Variants in ZFP1 observed in about 807,000 individuals in gnomAD.
ZFP1 encodes zinc finger protein 1 homolog.
A neutral mutation model predicts 38.5 loss-of-function variants in ZFP1; 32 were observed. That is an observed-to-expected ratio of 0.83 (90% CI 0.63 to 1.12). ZFP1 has a LOEUF of 1.12. Among genes scored for constraint, ZFP1 ranks in the 50% most tolerant of loss-of-function variants. The pLI is 0.00. For synonymous variants in ZFP1, 245 were observed against 168.8 expected (o/e 1.45, Z -3.50); for missense variants, 616 against 480.8 (o/e 1.28, Z -2.63).
chr16:75,129,736 C>A, the ZFP1 span, among the ~76,000 whole-genome samples: 1 of 152,174 alleles, frequency 6.6e-6, no homozygotes, highest in Non-Finnish European at 1.5e-5. Context: ...TCACCAAGAC[C>A]TCCTGAGGCT....
chr16:75,135,429 C>T, the ZFP1 span, among the ~76,000 whole-genome samples: 1 of 152,174 alleles, frequency 6.6e-6, no homozygotes, highest in African/African-American at 2.4e-5. Flanking sequence ...ATTCCATCCA[C>T]ATGACATTCT....
At chr16:75,131,441 G>A in the ZFP1 span, among the ~76,000 whole-genome samples, 3 of 152,100 alleles carry the variant, frequency 2.0e-5, no homozygotes, top group Non-Finnish European at 4.4e-5. Context: ...CTAATTCCTA[G>A]CTCGTTTTCC....
chr16:75,121,309 T>C, the ZFP1 span, among the ~76,000 whole-genome samples: 40 of 151,724 alleles, frequency 2.6e-4, no homozygotes, highest in African/African-American at 9.7e-4. Context: ...GTATTTTTAA[T>C]AGAGACGGGG....
In ZFP1 at chr16:75,169,293, A is replaced by C. The variant is rs781545633; in HGVS notation, c.183A>C (p.Arg61Ser). 6 of 1,613,738 alleles carry C rather than the reference A, an allele frequency of 3.7e-6. No individual in the cohort carries two copies. In the Admixed American group the frequency reaches 5.0e-5, roughly 13 times the overall value. ...ATGACCAGATGGAGAGAGACCACAG[A>C]AACCCAGACGAGCAGGCGAGGCAAT... ...KADDQMERDH[R>S]NPDEQARQFL... is the part of the protein sequence containing the mutation. The change falls in exon 4 of 4, where the codon AGA (arginine) becomes AGC (serine). Residue 61 changes from arginine to serine, a missense_variant. By Grantham distance (110) the Arg-to-Ser change is moderately radical. Transcript: ENST00000570010.
At chr16:75,126,695 G>A in the ZFP1 span, among the ~76,000 whole-genome samples, 3 of 152,162 alleles carry the variant, frequency 2.0e-5, no homozygotes, top group Admixed American at 6.6e-5. Flanking sequence ...GAGCCAGCAC[G>A]CCCAGCCAGT....
At chr16:75,135,197 G>A in the ZFP1 span, among the ~76,000 whole-genome samples, 3 of 44,036 alleles carry the variant, frequency 6.8e-5, no homozygotes, top group Admixed American at 9.9e-4. Flanking sequence ...GTGACAGAGT[G>A]AGACCTTATC....
At chr16:75,138,660 G>A in the ZFP1 span, among the ~76,000 whole-genome samples, 1 of 152,236 alleles carries the variant, frequency 6.6e-6, no homozygotes, top group Admixed American at 6.5e-5. Flanking sequence ...CTGATTAGAA[G>A]AGGTGAAGAG....
At chr16:75,146,921 C>G (rs1176746828), upstream of ZFP1, among the ~76,000 whole-genome samples, 2 of 110,164 alleles carry the variant, frequency 1.8e-5, no homozygotes, top group East Asian at 5.9e-4. Flanking sequence ...ACCTGGGTGA[C>G]AGAGTGAGAC....
chr16:75,165,723 T>C lies in ZFP1; in HGVS notation c.16-1047T>C, dbSNP rs185702901. On this transcript the variant is annotated intron_variant, in intron 2 of 3. Transcript: ENST00000570010. ...AGTTTTGTTATATGCTGAGTATTTT[T>C]TTTTTTTAATGTACTTATTGTACTT... Among the ~76,000 whole-genome samples, 387 of 152,282 alleles carry C rather than the reference T, an allele frequency of 2.5e-3. 2 individuals carry two copies. Among genetic ancestry groups the C allele is most frequent in the African/African-American group, 9.1e-3 (378 of 41,552 alleles).
intron 2 of ZFP1, among the ~76,000 whole-genome samples, chr16:75,161,904 C>A (rs769788608): frequency 2.0e-5 from 3 of 147,804 alleles, no homozygotes; most frequent in African/African-American, 7.5e-5. Context: ...CCTGCCTCAG[C>A]CTCCCAGGTA....
At chr16:75,133,819 C>A in the ZFP1 span, among the ~76,000 whole-genome samples, 67 of 152,266 alleles carry the variant, frequency 4.4e-4, no homozygotes, top group African/African-American at 1.5e-3. Flanking sequence ...GAGGCTGAGG[C>A]GGGTGGATCA....
At chr16:75,156,683 A>T (rs985997950) in intron 2 of ZFP1, among the ~76,000 whole-genome samples, 3 of 152,094 alleles carry the variant, frequency 2.0e-5, no homozygotes, top group Admixed American at 6.6e-5. Flanking sequence ...AATTTTTGGT[A>T]CGAATATAAT....
intron 3 of ZFP1, among the ~76,000 whole-genome samples, chr16:75,168,098 C>T (rs1384783625): frequency 2.6e-5 from 4 of 152,032 alleles, no homozygotes; most frequent in African/African-American, 9.7e-5. Context: ...TTCAAGTGAT[C>T]CTCCTGCCTT....
chr16:75,145,013 G>T (rs978496302), upstream of ZFP1, among the ~76,000 whole-genome samples: 11 of 152,098 alleles, frequency 7.2e-5, no homozygotes. Flanking sequence ...TTCACTTAGT[G>T]TATTTTCAAG....
At chr16:75,145,888 C>T (rs2036937589), upstream of ZFP1, among the ~76,000 whole-genome samples, 1 of 152,178 alleles carries the variant, frequency 6.6e-6, no homozygotes, top group Non-Finnish European at 1.5e-5. Context: ...CTGTCACCCT[C>T]ACTCTCCACT....
chr16:75,123,175 G>A, the ZFP1 span, among the ~76,000 whole-genome samples: 2 of 151,512 alleles, frequency 1.3e-5, no homozygotes, highest in Non-Finnish European at 2.9e-5. Flanking sequence ...CCAACATGGT[G>A]AAACCTCATC....
intron 1 of ZFP1, among the ~76,000 whole-genome samples, chr16:75,151,139 A>T (rs921356339): frequency 6.6e-6 from 1 of 151,484 alleles, no homozygotes; most frequent in East Asian, 1.9e-4. Flanking sequence ...GTTTACAGGC[A>T]TGAGCTACTG....
chr16:75,156,191 C>T (rs573910241), intron 2 of ZFP1, among the ~76,000 whole-genome samples: 2 of 152,212 alleles, frequency 1.3e-5, no homozygotes, highest in South Asian at 2.1e-4. Flanking sequence ...TGGTGGGTCA[C>T]GCCGGTAATC....
intron 2 of ZFP1, among the ~76,000 whole-genome samples, chr16:75,153,886 C>A (rs2037337160): frequency 6.6e-6 from 1 of 152,228 alleles, no homozygotes; most frequent in Non-Finnish European, 1.5e-5. Flanking sequence ...ACCCACTGAT[C>A]TTTCTACTGT....
Sources: gnomAD v4.1 joint callset for allele counts (sites outside exome capture counted in the v4.1 genomes callset) on GRCh38, gnomAD v4.1.1 for gene constraint, MANE v1.5 for transcripts, NCBI Gene and HGNC (gene_info 2026-07-23, HGNC 2026-07-21) for gene names.